The following RANBP17 variants were observed in gnomAD, a reference collection of about 807,000 sequenced individuals.
The protein encoded by RANBP17 is RAN binding protein 17.
A neutral mutation model predicts 141.2 loss-of-function variants in RANBP17; 158 were observed. The observed-to-expected ratio is 1.12, with a 90% CI of 0.98 to 1.28. RANBP17 has a LOEUF of 1.28. Among genes scored for constraint, RANBP17 ranks in the 50% most tolerant of loss-of-function variants. The pLI, the probability that RANBP17 is intolerant of heterozygous loss-of-function variation, is 0.00. For synonymous variants in RANBP17, 430 were observed against 450.0 expected, an observed-to-expected ratio of 0.96 and a Z score of 0.56; for missense variants, 1,438 against 1,290.7, an observed-to-expected ratio of 1.11 and a Z score of -1.75.
At position 171,030,437 on chromosome 5, in the gene RANBP17, T is replaced by G. The variant is rs142990710; in HGVS notation, c.1710+62060T>G. Among the ~76,000 whole-genome samples, 365 of 148,684 alleles carry G rather than the reference T, an allele frequency of 2.5e-3. 2 individuals are homozygous for G. Among genetic ancestry groups the G allele is most frequent in the African/African-American group, 9.1e-3 (349 of 38,250 alleles). ...TCTATCTCGTTATGTTTGTGTAATA[T>G]GTGCAGAAGAATCAAAATATTTATT... On this transcript the variant is annotated intron_variant, in intron 14 of 27. Transcript: ENST00000523189.
At chr5:171,030,546 T>G (rs1781492806) in intron 14 of RANBP17, among the ~76,000 whole-genome samples, 1 of 152,008 alleles carries the variant, frequency 6.6e-6, no homozygotes, top group African/African-American at 2.4e-5. Flanking sequence ...TAGTAGAAAA[T>G]TATTTCCCAC....
At chr5:171,228,377 A>G (rs909273491) in intron 22 of RANBP17, among the ~76,000 whole-genome samples, 1 of 152,240 alleles carries the variant, frequency 6.6e-6, no homozygotes, top group Non-Finnish European at 1.5e-5. Context: ...ACCTATAATT[A>G]GAAGTGGAGA....
At chr5:171,015,114 A>G (rs1221886730) in intron 14 of RANBP17, among the ~76,000 whole-genome samples, 2 of 152,050 alleles carry the variant, frequency 1.3e-5, no homozygotes, top group African/African-American at 4.8e-5. Flanking sequence ...GATTTAAGCA[A>G]TTTGATTATT....
intron 2 of RANBP17, among the ~76,000 whole-genome samples, chr5:170,879,321 C>T (rs57759147): frequency 0.012 from 1,778 of 152,210 alleles, 32 homozygotes; most frequent in African/African-American, 0.041. Context: ...AGATTGACCA[C>T]TTCCAATTGA....
chr5:171,013,287 C>T (rs1581396445), intron 14 of RANBP17, among the ~76,000 whole-genome samples: 1 of 152,172 alleles, frequency 6.6e-6, no homozygotes, highest in African/African-American at 2.4e-5. Flanking sequence ...TGAAGCAGAG[C>T]TCTCAACTAT....
At chr5:171,113,770 C>G (rs1260624837) in intron 14 of RANBP17, among the ~76,000 whole-genome samples, 1 of 152,050 alleles carries the variant, frequency 6.6e-6, no homozygotes, top group Non-Finnish European at 1.5e-5. Flanking sequence ...ATTAGAGATC[C>G]CCAAGACCCT....
intron 5 of RANBP17, among the ~76,000 whole-genome samples, chr5:170,903,009 T>C (rs1581104396): frequency 3.9e-5 from 6 of 152,312 alleles, no homozygotes; most frequent in African/African-American, 1.4e-4. Flanking sequence ...ATCTGTGCCT[T>C]AGCAGAGCTT....
At chr5:171,016,058 C>G (rs1273354109) in intron 14 of RANBP17, among the ~76,000 whole-genome samples, 1 of 152,038 alleles carries the variant, frequency 6.6e-6, no homozygotes, top group Non-Finnish European at 1.5e-5. Context: ...ACTTTGACCT[C>G]TGGATTTCGC....
chr5:171,074,335 T>C (rs1784792923), intron 14 of RANBP17, among the ~76,000 whole-genome samples: 2 of 152,094 alleles, frequency 1.3e-5, no homozygotes, highest in South Asian at 4.1e-4. Flanking sequence ...AGGAAAAGTC[T>C]GAAAAGCTAT....
intron 7 of RANBP17, chr5:170,911,440 G>A (rs1258518554): frequency 4.8e-6 from 3 of 621,552 alleles, no homozygotes; most frequent in Admixed American, 4.9e-5. Flanking sequence ...GATAAACAGA[G>A]TGGGACAGGA....
At chr5:171,004,620 G>T (rs1779453720) in intron 14 of RANBP17, among the ~76,000 whole-genome samples, 1 of 152,160 alleles carries the variant, frequency 6.6e-6, no homozygotes, top group Non-Finnish European at 1.5e-5. Context: ...GATAGTCCAG[G>T]GGGCTTCCAA....
At chr5:171,028,863 C>G in intron 14 of RANBP17, 2 of 1,258,772 alleles carry the variant, frequency 1.6e-6, no homozygotes, top group Non-Finnish European at 2.1e-6. Flanking sequence ...TCTTTTTTGT[C>G]TTGCACAGAA....
At chr5:171,221,964 C>A in intron 22 of RANBP17, 124 bp downstream of exon 22, 1 of 660,770 alleles carries the variant, frequency 1.5e-6, no homozygotes. Flanking sequence ...GTCGGTAATA[C>A]AAGTGCAAAA....
At position 170,908,599 on chromosome 5, in the gene RANBP17, A is replaced by AAT. The variant is rs59576876; in HGVS notation, c.490-1058_490-1057dup. ...CATACCCCAAACCTCAGCAACAAGC[A>AAT]ATATACCCCAGGCAACAAACACACA... On this transcript the variant is annotated intron_variant, in intron 5 of 27. Transcript: ENST00000523189. 8.6e-3 allele frequency among the ~76,000 whole-genome samples: 1,297 copies of AAT among 151,460 alleles called. 24 individuals are homozygous for AAT. The highest frequency in any genetic ancestry group is 0.029 in the African/African-American group (1,181 of 41,298).
intron 5 of RANBP17, chr5:170,896,968 A>G: frequency 9.7e-7 from 1 of 1,032,404 alleles, no homozygotes; most frequent in Non-Finnish European, 1.5e-6. Context: ...CCAGTGCGAA[A>G]ACCAGATTGG....
chr5:171,199,832 C>A, intron 19 of RANBP17, 59 bp downstream of exon 19: 1 of 1,006,592 alleles, frequency 9.9e-7, no homozygotes, highest in Non-Finnish European at 1.5e-6. Context: ...ATATCTAGAT[C>A]CAGAAAAGGG....
At chr5:171,066,844 G>C (rs1227352963) in intron 14 of RANBP17, among the ~76,000 whole-genome samples, 2 of 152,114 alleles carry the variant, frequency 1.3e-5, no homozygotes, top group East Asian at 3.9e-4. Context: ...GAGAAGTTAA[G>C]GGTGTCCATC....
intron 22 of RANBP17, among the ~76,000 whole-genome samples, chr5:171,240,655 A>G (rs1439609917): frequency 6.6e-6 from 1 of 152,200 alleles, no homozygotes. Flanking sequence ...GAAATTTTAC[A>G]TATCTATGTA....
At chr5:171,205,882 T>A (rs749028472) in intron 20 of RANBP17, 24 of 509,806 alleles carry the variant, frequency 4.7e-5, no homozygotes, top group Non-Finnish European at 8.4e-5. Context: ...TATGTTGGAG[T>A]TGAAGGGATA....
Sources: gnomAD v4.1 joint callset for allele counts (sites outside exome capture counted in the v4.1 genomes callset) on GRCh38, gnomAD v4.1.1 for gene constraint, MANE v1.5 for transcripts, NCBI Gene and HGNC (gene_info 2026-07-23, HGNC 2026-07-21) for gene names.